WRAP73: variants seen among roughly 807,000 people sequenced by gnomAD.
The protein encoded by WRAP73 is WD repeat-containing protein WRAP73.
In WRAP73, 55 loss-of-function variants were observed where a neutral mutation model predicts 59.6. That is an observed-to-expected ratio of 0.92 (90% CI 0.74 to 1.15). The LOEUF (loss-of-function observed/expected upper bound fraction) is 1.15, where lower values mean the gene tolerates loss of function less well. Among genes scored for constraint, WRAP73 ranks in the 50% most tolerant of loss-of-function variants. The pLI is 0.00. For synonymous variants in WRAP73, 265 were observed against 258.2 expected (o/e 1.03, Z -0.25); for missense variants, 592 against 608.1 (o/e 0.97, Z 0.28).
At chr1:3,638,424 C>T (rs1885864) in intron 4 of WRAP73, among the ~76,000 whole-genome samples, 27,327 of 152,200 alleles carry the variant, frequency 0.18, 2,912 homozygotes, top group East Asian at 0.33. Context: ...CAACAGGCAT[C>T]GGCTGGAAGG....
intron 3 of WRAP73, among the ~76,000 whole-genome samples, chr1:3,642,010 T>A (rs926617991): frequency 6.6e-6 from 1 of 152,234 alleles, no homozygotes; most frequent in South Asian, 2.1e-4. Context: ...CGCGGAATCA[T>A]GGGAACCGCT....
intron 1 of WRAP73, among the ~76,000 whole-genome samples, chr1:3,648,535 G>A (rs1329006469): frequency 6.6e-6 from 1 of 152,168 alleles, no homozygotes; most frequent in Admixed American, 6.5e-5. Context: ...AATTCCTTAT[G>A]AAATGGAATA....
Position 3,632,288 on chromosome 1 carries a change from C to A in WRAP73, c.973G>T (p.Asp325Tyr). The A allele has an allele frequency of 2.5e-6, 4 of 1,614,128 alleles. No homozygotes were observed. Among genetic ancestry groups the A allele is most frequent in the Non-Finnish European group, 2.5e-6 (3 of 1,180,012 alleles). Residue 325 changes from aspartate to tyrosine, a missense_variant, in exon 10 of 12, where the codon GAC becomes TAC. Coordinates refer to ENST00000270708, the MANE Select transcript of WRAP73 (RefSeq NM_017818.4). ...VSLQTLKPVT[D>Y]RANPKIGIGM... The stretch of plus-strand genomic sequence containing the variant: ...ATGCCGATTTTCGGGTTTGCTCTGT[C>A]GGTAACAGGTTTCAGTGTCTGTAAG...
intron 3 of WRAP73, among the ~76,000 whole-genome samples, chr1:3,644,559 G>C (rs894203762): frequency 1.3e-5 from 2 of 152,218 alleles, no homozygotes; most frequent in Middle Eastern, 3.2e-3. Flanking sequence ...ATTAAAGTTC[G>C]CATGCAAAGC....
chr1:3,634,033 G>A (rs1644566620), intron 8 of WRAP73: 2 of 153,806 alleles, frequency 1.3e-5, no homozygotes, highest in African/African-American at 4.8e-5. Flanking sequence ...ATGCTCTGCT[G>A]CTGTGTGGCG....
chr1:3,638,054 G>C (rs189014861), intron 4 of WRAP73, among the ~76,000 whole-genome samples: 3 of 152,322 alleles, frequency 2.0e-5, no homozygotes, highest in African/African-American at 7.2e-5. Context: ...GAATAAGAGT[G>C]TGACTGCATT....
At chr1:3,647,345 A>T (rs917265151) in intron 2 of WRAP73, 63 bp downstream of exon 2, 17 of 1,508,686 alleles carry the variant, frequency 1.1e-5, no homozygotes, top group Non-Finnish European at 1.4e-5. Flanking sequence ...CACAGAACAA[A>T]ACCCCTCCTT....
Position 3,635,954 on chromosome 1 carries a change from G to A in WRAP73, c.593C>T (p.Thr198Ile), listed in dbSNP as rs535723939. The part of the protein sequence containing the change: ...PNGCVLAVWD[T>I]CLEYKILLYS... Reference sequence around the variant, plus strand: ...TGGTCATCTTCATACCTCCAAGCAGGTGTCCCACACTGCCAGCACACAGCC... The same window carrying A: ...TGGTCATCTTCATACCTCCAAGCAGATGTCCCACACTGCCAGCACACAGCC... Residue 198 changes from threonine (T) to isoleucine (I), a missense_variant, in exon 6 of 12, where the codon ACC (threonine) becomes ATC (isoleucine). Physicochemically the swap from Thr to Ile is moderately conservative, Grantham distance 89. Transcript: ENST00000270708. The A allele has an allele frequency of 1.8e-5, 29 of 1,613,790 alleles. No homozygotes were observed. In the South Asian group the frequency reaches 3.1e-4, roughly 17 times the overall value.
intron 1 of WRAP73, among the ~76,000 whole-genome samples, chr1:3,648,516 G>T (rs1441271157): frequency 6.6e-6 from 1 of 152,216 alleles, no homozygotes; most frequent in Non-Finnish European, 1.5e-5. Flanking sequence ...ACTGTGATCA[G>T]TTACAGTGAA....
intron 9 of WRAP73, 79 bp downstream of exon 9, chr1:3,633,319 G>T: frequency 7.4e-7 from 1 of 1,354,352 alleles, no homozygotes; most frequent in South Asian, 1.2e-5. Flanking sequence ...TAAACATAAG[G>T]AACATCCGAA....
In WRAP73 at chr1:3,631,639, A is replaced by G; in HGVS notation, c.1067T>C (p.Val356Ala). The change falls in exon 11 of 12, where the codon GTC becomes GCC. Residue 356 changes from valine (V) to alanine (A), a missense_variant. Transcript: ENST00000270708. The stretch of plus-strand genomic sequence containing the variant: ...CAGCTTCTGAATGTCCCAGACCCAG[A>G]CGGCATTGGGAATGTTGTCTGAGGA... Reference protein sequence around the residue: ...ATRNDNIPNAVWVWDIQKLRL... With the variant: ...ATRNDNIPNAAWVWDIQKLRL... 1.3e-6 allele frequency: 2 copies of G among 1,597,100 alleles called. No homozygotes were observed. The highest frequency in any genetic ancestry group is 1.1e-5 in the South Asian group (1 of 90,840).
intron 4 of WRAP73, among the ~76,000 whole-genome samples, chr1:3,638,222 C>T (rs1301527464): frequency 6.6e-6 from 1 of 152,264 alleles, no homozygotes; most frequent in Non-Finnish European, 1.5e-5. Flanking sequence ...GTTAGACGCG[C>T]TGGCAGTGGG....
Position 3,639,230 on chromosome 1 carries a change from C to G in WRAP73, c.340-408G>C, listed in dbSNP as rs753960515. 1 of 208,250 alleles carries G rather than the reference C, an allele frequency of 4.8e-6. No individual in the cohort carries two copies. Among genetic ancestry groups the G allele is most frequent in the Admixed American group, 5.9e-5 (1 of 16,894 alleles). The allele number at this position is 208,250 out of a possible 1,614,324, so 12.9% of individuals were successfully genotyped here. On this transcript the variant is annotated intron_variant, in intron 3 of 11. Coordinates refer to ENST00000270708, the MANE Select transcript of WRAP73 (RefSeq NM_017818.4). The surrounding 1 kb of genome is among the most constrained non-coding windows in gnomAD (Gnocchi z 4.3). Reference sequence around the variant, plus strand: ...ATCTGGAGATTGGATGCAGCCACTCCGGGACTCACCAGGGGGCTGTGAGCC... The same window carrying G: ...ATCTGGAGATTGGATGCAGCCACTCGGGGACTCACCAGGGGGCTGTGAGCC...
In WRAP73 at chr1:3,630,849, A is replaced by G. The variant is rs1054072928; in HGVS notation, c.*126T>C. The G allele has an allele frequency of 7.0e-6, 9 of 1,278,416 alleles. No homozygotes were observed. Among genetic ancestry groups the G allele is most frequent in the Admixed American group, 2.4e-5 (1 of 41,962 alleles). 79.2% of individuals were successfully genotyped at this position (1,278,416 alleles called of 1,614,324 possible). A position where few individuals can be genotyped will look rare whatever the true frequency, so the allele number is the denominator to read the frequency against. ...TACATATTTACAAAAATGCTTTGCT[A>G]TAGAAAAATAGAATCAATCACTGAA... On this transcript the variant is annotated 3_prime_UTR_variant, in exon 12 of 12. Transcript: ENST00000270708.
chr1:3,645,181 T>G (rs1644677167), intron 3 of WRAP73, among the ~76,000 whole-genome samples: 1 of 152,172 alleles, frequency 6.6e-6, no homozygotes, highest in Non-Finnish European at 1.5e-5. Context: ...GCAACCCTCA[T>G]GGCTGGATAA....
intron 8 of WRAP73, 62 bp from the exon 9 acceptor site, chr1:3,633,565 G>T: frequency 7.5e-7 from 1 of 1,326,708 alleles, no homozygotes; most frequent in Non-Finnish European, 1.0e-6. Context: ...AAGGATGGAC[G>T]TGGCAAATGC....
intron 8 of WRAP73, chr1:3,634,750 G>T: frequency 1.9e-6 from 1 of 534,156 alleles, no homozygotes. Context: ...GAGAAAACTG[G>T]ACTGGGGTGG....
In WRAP73 at chr1:3,637,062, A is replaced by G. The variant is rs140159124; in HGVS notation, c.449T>C (p.Leu150Pro). The G allele has an allele frequency of 6.2e-7, 1 of 1,612,832 alleles. No individual in the cohort carries two copies. The highest frequency in any genetic ancestry group is 8.5e-7 in the Non-Finnish European group (1 of 1,179,858). Reference sequence around the variant, plus strand: ...ATCTTTGCAGTCGCGCCGTTCTGCCAGCGCCATGTAGCGGCCGTCCCTGGT... The same window carrying G: ...ATCTTTGCAGTCGCGCCGTTCTGCCGGCGCCATGTAGCGGCCGTCCCTGGT... ...TFTRDGRYMA[L>P]AERRDCKDYV... Residue 150 changes from leucine to proline, a missense_variant, in exon 5 of 12, where the codon CTG (leucine) becomes CCG (proline). Leu to Pro is a moderately conservative substitution (Grantham distance 98). Transcript: ENST00000270708.
At chr1:3,638,573 T>C (rs776079227) in intron 4 of WRAP73, among the ~76,000 whole-genome samples, 177 bp downstream of exon 4, 57 of 152,164 alleles carry the variant, frequency 3.7e-4, no homozygotes, top group Non-Finnish European at 7.1e-4. Context: ...GAGACACATA[T>C]GGAAATATTT....
Sources: gnomAD v4.1 joint callset for allele counts (sites outside exome capture counted in the v4.1 genomes callset) on GRCh38, gnomAD v4.1.1 for gene constraint, Gnocchi (gnomAD v3.1) non-coding constraint, MANE v1.5 for transcripts, NCBI Gene and HGNC (gene_info 2026-07-23, HGNC 2026-07-21) for gene names.